Variants in GPHN observed in about 807,000 individuals in gnomAD.
GPHN encodes gephyrin.
In GPHN, 17 loss-of-function variants were observed where a neutral mutation model predicts 95.5. The observed-to-expected ratio is 0.18, with a 90% CI of 0.12 to 0.27. The LOEUF (loss-of-function observed/expected upper bound fraction) is 0.27, where lower values mean the gene tolerates loss of function less well. Among genes scored for constraint, GPHN ranks in the 10% least tolerant of loss-of-function variants. The pLI is 1.00. For synonymous variants in GPHN, 320 were observed against 322.5 expected (o/e 0.99, Z 0.08); for missense variants, 660 against 978.1 (o/e 0.67, Z 4.34).
At chr14:67,215,405 T>TG in the GPHN span, among the ~76,000 whole-genome samples, 23,838 of 149,430 alleles carry the variant, frequency 0.16, 3,559 homozygotes, top group East Asian at 0.43. Flanking sequence ...ACTGATCTAT[T>TG]GTTTTTTTTT....
intron 18 of GPHN, among the ~76,000 whole-genome samples, chr14:67,150,158 G>C (rs1403320250): frequency 6.6e-6 from 1 of 151,960 alleles, no homozygotes; most frequent in African/African-American, 2.4e-5. Context: ...ACATTGTAAG[G>C]TTGGCCGGGC....
intron 19 of GPHN, among the ~76,000 whole-genome samples, chr14:67,162,992 T>C (rs1175157613): frequency 6.6e-6 from 1 of 152,206 alleles, no homozygotes; most frequent in Admixed American, 6.5e-5. Context: ...ATTAATGTGA[T>C]ACATAGATGT....
At chr14:67,457,262 T>C in the GPHN span, among the ~76,000 whole-genome samples, 115 of 152,200 alleles carry the variant, frequency 7.6e-4, no homozygotes, top group African/African-American at 2.7e-3. Context: ...CCTGCACATA[T>C]ACCCTTCAAC....
At chr14:67,180,748 C>A in intron 22 of GPHN, 56 bp from the exon 23 acceptor site, 3 of 1,568,008 alleles carry the variant, frequency 1.9e-6, no homozygotes, top group Non-Finnish European at 2.6e-6. Context: ...TCTACAAGGG[C>A]CCAACTGTAT....
At chr14:67,690,733 C>T in the GPHN span, 1 of 401,294 alleles carries the variant, frequency 2.5e-6, no homozygotes, top group Non-Finnish European at 4.6e-6. Context: ...CCGGTAATCT[C>T]AGCACTTAAA....
At chr14:67,710,039 A>C in the GPHN span, among the ~76,000 whole-genome samples, 260 of 152,328 alleles carry the variant, frequency 1.7e-3, no homozygotes, top group Non-Finnish European at 2.5e-3. Flanking sequence ...GTGACCTGGA[A>C]GCTCCCTCCC....
intron 4 of GPHN, among the ~76,000 whole-genome samples, chr14:66,877,866 A>G (rs8020144): frequency 0.3 from 44,932 of 152,076 alleles, 10,726 homozygotes; most frequent in African/African-American, 0.64. Flanking sequence ...TCTTCACAGA[A>G]TCAGAAAAAA....
the GPHN span, chr14:67,196,668 C>G: frequency 1.3e-5 from 2 of 152,188 alleles, no homozygotes; most frequent in Non-Finnish European, 2.9e-5. Context: ...CCTCATTGGC[C>G]ATAGGAGCTC....
chr14:67,613,669 G>A, the GPHN span: 7 of 219,708 alleles, frequency 3.2e-5, no homozygotes, highest in Non-Finnish European at 6.9e-5. Context: ...AATGCCAAGT[G>A]TGCACATGTG....
the GPHN span, among the ~76,000 whole-genome samples, chr14:67,624,251 G>T: frequency 4.1e-3 from 622 of 151,570 alleles, 5 homozygotes; most frequent in African/African-American, 0.014. Context: ...AGAAAAGCCA[G>T]AAATTTGCAC....
intron 1 of GPHN, among the ~76,000 whole-genome samples, chr14:66,556,880 C>T (rs1458288365): frequency 1.3e-5 from 2 of 151,982 alleles, no homozygotes; most frequent in Non-Finnish European, 2.9e-5. Flanking sequence ...ATTTGCTACA[C>T]ATACTAATTA....
chr14:67,184,483 T>G (rs893645708), downstream of GPHN, among the ~76,000 whole-genome samples: 19 of 152,196 alleles, frequency 1.2e-4, no homozygotes, highest in Non-Finnish European at 2.8e-4. Context: ...TCCGAACAGA[T>G]GGATACGTCT....
chr14:67,565,751 C>G, the GPHN span, among the ~76,000 whole-genome samples: 1 of 152,156 alleles, frequency 6.6e-6, no homozygotes, highest in Non-Finnish European at 1.5e-5. Context: ...GGGGTGACAT[C>G]AGGGTGGACT....
the GPHN span, chr14:67,586,277 C>A: frequency 9.2e-7 from 1 of 1,089,216 alleles, no homozygotes; most frequent in Non-Finnish European, 1.4e-6. Flanking sequence ...TATCAATGTT[C>A]AGCTAGTAGG....
chr14:66,748,395 G>T (rs2058239147), intron 2 of GPHN, among the ~76,000 whole-genome samples: 1 of 151,870 alleles, frequency 6.6e-6, no homozygotes, highest in African/African-American at 2.4e-5. Context: ...TAGGTTCATA[G>T]CAAAATTGAG....
chr14:66,870,284 A>C (rs1262772599), intron 4 of GPHN, among the ~76,000 whole-genome samples: 1 of 152,174 alleles, frequency 6.6e-6, no homozygotes, highest in Non-Finnish European at 1.5e-5. Context: ...CATCAGCATC[A>C]ATGCCTTTCA....
chr14:67,329,782 C>T, the GPHN span, among the ~76,000 whole-genome samples: 94 of 151,600 alleles, frequency 6.2e-4, no homozygotes, highest in Middle Eastern at 6.8e-3. Context: ...CTGAAGAGGC[C>T]GAGTTCGTGC....
At chr14:66,832,390 T>C (rs980127883) in intron 4 of GPHN, among the ~76,000 whole-genome samples, 1 of 152,224 alleles carries the variant, frequency 6.6e-6, no homozygotes, top group Non-Finnish European at 1.5e-5. Flanking sequence ...TAATTAGATA[T>C]GGTAGCTCCA....
the GPHN span, among the ~76,000 whole-genome samples, chr14:67,236,360 C>T: frequency 3.9e-5 from 6 of 152,216 alleles, no homozygotes; most frequent in East Asian, 1.2e-3. Context: ...AGTAAAGCTC[C>T]TCCTGGTATA....
Sources: gnomAD v4.1 joint callset for allele counts (sites outside exome capture counted in the v4.1 genomes callset) on GRCh38, gnomAD v4.1.1 for gene constraint, MANE v1.5 for transcripts, NCBI Gene and HGNC (gene_info 2026-07-23, HGNC 2026-07-21) for gene names.